Variants in NCKAP5 observed in about 807,000 individuals in gnomAD.
NCKAP5 encodes nck-associated protein 5.
A neutral mutation model predicts 167.0 loss-of-function variants in NCKAP5; 92 were observed. That is an observed-to-expected ratio of 0.55 (90% CI 0.47 to 0.66). The LOEUF (loss-of-function observed/expected upper bound fraction) is 0.66. Among genes scored for constraint, NCKAP5 ranks in the 30% least tolerant of loss-of-function variants. NCKAP5 has a pLI of 0.00. For missense variants in NCKAP5, 2,378 were observed against 2,315.0 expected, an observed-to-expected ratio of 1.03 and a Z score of -0.56; for synonymous variants, 891 against 877.4, an observed-to-expected ratio of 1.02 and a Z score of -0.27.
the NCKAP5 span, among the ~76,000 whole-genome samples, chr2:133,622,314 G>T: frequency 5.9e-5 from 9 of 152,200 alleles, no homozygotes; most frequent in African/African-American, 2.2e-4. Context: ...GAAATAAAGG[G>T]CATCCAAGTC....
At chr2:132,976,924 T>C (rs907501097) in intron 7 of NCKAP5, among the ~76,000 whole-genome samples, 1 of 152,186 alleles carries the variant, frequency 6.6e-6, no homozygotes, top group African/African-American at 2.4e-5. Context: ...TAAATAGTTA[T>C]ATATCTTCTA....
intron 3 of NCKAP5, among the ~76,000 whole-genome samples, chr2:133,463,027 A>G (rs1692302616): frequency 1.3e-5 from 2 of 152,192 alleles, no homozygotes; most frequent in African/African-American, 4.8e-5. Flanking sequence ...TTAGTCGCTA[A>G]TATCAACATT....
intron 4 of NCKAP5, among the ~76,000 whole-genome samples, chr2:133,283,746 A>G (rs2090010213): frequency 6.6e-6 from 1 of 151,564 alleles, no homozygotes; most frequent in African/African-American, 2.4e-5. Context: ...GAGTAGCTGG[A>G]ATTACAGGCA....
intron 19 of NCKAP5, among the ~76,000 whole-genome samples, chr2:132,699,731 G>A (rs1241086556): frequency 6.6e-6 from 1 of 152,110 alleles, no homozygotes; most frequent in East Asian, 1.9e-4. Context: ...GTCTATCATT[G>A]ATGGACATCT....
rs552735358 is a variant in NCKAP5, at chr2:133,060,889, C to CT, written c.342-66651dup. Among the ~76,000 whole-genome samples the CT allele has an allele frequency of 9.1e-4, 138 of 152,132 alleles. 1 individual carries two copies. Among genetic ancestry groups the CT allele is most frequent in the Middle Eastern group, 3.4e-3 (1 of 294 alleles). On this transcript the variant is annotated intron_variant, in intron 6 of 19. Coordinates refer to ENST00000409261, the MANE Select transcript of NCKAP5 (RefSeq NM_207363.3). ...GGGCTTCATCATTCAGGCTGCTCTC[C>CT]TCCCCTCACTGATCAGAGCTTATAG...
chr2:133,172,434 G>A (rs1053039635), intron 5 of NCKAP5, among the ~76,000 whole-genome samples: 3 of 152,210 alleles, frequency 2.0e-5, no homozygotes, highest in Non-Finnish European at 4.4e-5. Context: ...ACTTGCTGGA[G>A]GCTACAACCC....
intron 3 of NCKAP5, among the ~76,000 whole-genome samples, chr2:133,405,488 G>A (rs1233165668): frequency 6.6e-6 from 1 of 152,186 alleles, no homozygotes; most frequent in Non-Finnish European, 1.5e-5. Flanking sequence ...GGACACTTGT[G>A]TATAGTAAGC....
chr2:133,639,037 A>G, the NCKAP5 span, among the ~76,000 whole-genome samples: 4 of 152,312 alleles, frequency 2.6e-5, no homozygotes, highest in East Asian at 7.7e-4. Flanking sequence ...GCAATTCATA[A>G]AATAGGAAAC....
intron 5 of NCKAP5, among the ~76,000 whole-genome samples, chr2:133,187,151 G>A (rs1370303480): frequency 6.6e-6 from 1 of 151,906 alleles, no homozygotes; most frequent in Non-Finnish European, 1.5e-5. Flanking sequence ...CATAAGTTGT[G>A]TCTCTATTTT....
chr2:133,044,923 T>G (rs1029875269), intron 6 of NCKAP5, among the ~76,000 whole-genome samples: 6 of 151,918 alleles, frequency 3.9e-5, no homozygotes, highest in African/African-American at 1.5e-4. Context: ...AGTGTGTTGG[T>G]GTACATCTGT....
chr2:133,662,861 T>C, the NCKAP5 span, among the ~76,000 whole-genome samples: 1 of 151,552 alleles, frequency 6.6e-6, no homozygotes, highest in African/African-American at 2.4e-5. Context: ...GATTTGTTGG[T>C]TTCCCAGTGC....
At chr2:133,189,413 A>G (rs2085105514) in intron 5 of NCKAP5, among the ~76,000 whole-genome samples, 1 of 152,166 alleles carries the variant, frequency 6.6e-6, no homozygotes, top group African/African-American at 2.4e-5. Flanking sequence ...AAAAAGAAAG[A>G]ATCCTCCATA....
the NCKAP5 span, among the ~76,000 whole-genome samples, chr2:133,657,465 A>G: frequency 6.6e-6 from 1 of 152,250 alleles, no homozygotes; most frequent in Non-Finnish European, 1.5e-5. Flanking sequence ...ACTGTGCTTA[A>G]TATCTTCCCT....
At chr2:133,039,300 A>T (rs758743631) in intron 6 of NCKAP5, among the ~76,000 whole-genome samples, 2 of 152,218 alleles carry the variant, frequency 1.3e-5, no homozygotes, top group Non-Finnish European at 2.9e-5. Context: ...TACAAACTTC[A>T]ATAGTTGGCC....
intron 4 of NCKAP5, among the ~76,000 whole-genome samples, chr2:133,258,628 G>A (rs574292915): frequency 4.6e-5 from 7 of 151,898 alleles, no homozygotes; most frequent in Admixed American, 3.3e-4. Flanking sequence ...GCCTATAGTC[G>A]CAGCTACTAG....
chr2:133,295,345 A>G (rs1261864459), intron 4 of NCKAP5, among the ~76,000 whole-genome samples: 1 of 152,226 alleles, frequency 6.6e-6, no homozygotes, highest in African/African-American at 2.4e-5. Context: ...TTTTTAAAGT[A>G]AAAAATAAAA....
In NCKAP5 at chr2:132,920,659, T is replaced by TTTTATATA. The variant is rs1553479140; in HGVS notation, c.580-41744_580-41743insTATATAAA. On this transcript the variant is annotated intron_variant, in intron 8 of 19. Coordinates refer to ENST00000409261, the MANE Select transcript of NCKAP5 (RefSeq NM_207363.3). Reference sequence around the variant, plus strand: ...AGAGCTTATATATATATGGAAGAACTTATATATATATATATATATAAGTTA... The same window carrying TTTTATATA: ...AGAGCTTATATATATATGGAAGAACTTTTATATATATATATATATATATATATAAGTTA... 2.4e-5 allele frequency among the ~76,000 whole-genome samples: 2 copies of TTTTATATA among 82,018 alleles called. 1 individual carries two copies. Among genetic ancestry groups the TTTTATATA allele is most frequent in the Admixed American group, 3.7e-4 (2 of 5,456 alleles). 53.8% of individuals were successfully genotyped at this position (82,018 alleles called of 152,430 possible).
chr2:133,045,817 G>A (rs1030275593), intron 6 of NCKAP5, among the ~76,000 whole-genome samples: 1 of 152,158 alleles, frequency 6.6e-6, no homozygotes, highest in Non-Finnish European at 1.5e-5. Context: ...TTCTTGTGAT[G>A]ATGTGAGATG....
intron 8 of NCKAP5, among the ~76,000 whole-genome samples, chr2:132,959,471 G>A (rs1415288055): frequency 6.6e-6 from 1 of 152,156 alleles, no homozygotes; most frequent in Non-Finnish European, 1.5e-5. Context: ...AGATGCCATG[G>A]GAGTTGGGAG....
Sources: gnomAD v4.1 joint callset for allele counts (sites outside exome capture counted in the v4.1 genomes callset) on GRCh38, gnomAD v4.1.1 for gene constraint, MANE v1.5 for transcripts, NCBI Gene and HGNC (gene_info 2026-07-23, HGNC 2026-07-21) for gene names.